The following PDE8B variants were observed in gnomAD, a reference collection of about 807,000 sequenced individuals.
PDE8B encodes the protein phosphodiesterase 8B, also known as high affinity cAMP-specific and IBMX-insensitive 3',5'-cyclic phosphodiesterase 8B.
Under a neutral mutation model 101.3 loss-of-function variants are expected in PDE8B, and 26 were observed. The ratio of observed to expected loss-of-function variants is 0.26; its 90% CI spans 0.19 to 0.36. The LOEUF is 0.36. PDE8B is among the 10% of genes least tolerant of loss of function. The probability of loss-of-function intolerance (pLI) is 1.00; values close to 1 mark genes in which losing one functional copy is unlikely to be tolerated. For synonymous variants in PDE8B, 424 were observed against 429.3 expected (o/e 0.99, Z 0.15); for missense variants, 810 against 1,163.1 (o/e 0.70, Z 4.42).
the PDE8B span, among the ~76,000 whole-genome samples, chr5:77,154,012 T>C: frequency 6.6e-6 from 1 of 152,242 alleles, no homozygotes. Flanking sequence ...ACATTTGATA[T>C]TGATATGGAT....
At chr5:77,339,029 A>G (rs1778697843) in intron 6 of PDE8B, among the ~76,000 whole-genome samples, 1 of 152,212 alleles carries the variant, frequency 6.6e-6, no homozygotes, top group Non-Finnish European at 1.5e-5. Flanking sequence ...GGGCAAAAGC[A>G]GGCCTGGAAA....
chr5:77,414,134 C>T (rs558371457), intron 17 of PDE8B, among the ~76,000 whole-genome samples: 29 of 152,086 alleles, frequency 1.9e-4, no homozygotes, highest in Non-Finnish European at 3.4e-4. Flanking sequence ...GATTAAGGTC[C>T]TAGGTACTTA....
At chr5:77,375,995 C>T (rs979828963) in intron 10 of PDE8B, among the ~76,000 whole-genome samples, 1 of 147,516 alleles carries the variant, frequency 6.8e-6, no homozygotes, top group African/African-American at 2.5e-5. Flanking sequence ...CAGGTTCAAG[C>T]GATTCTCCTG....
chr5:77,107,221 G>A, the PDE8B span, among the ~76,000 whole-genome samples: 1 of 152,142 alleles, frequency 6.6e-6, no homozygotes, highest in East Asian at 1.9e-4. Context: ...TCCCTACAAA[G>A]GACACGAACT....
chr5:77,342,307 C>T (rs535830110), intron 6 of PDE8B, among the ~76,000 whole-genome samples: 25 of 152,206 alleles, frequency 1.6e-4, no homozygotes, highest in Non-Finnish European at 3.1e-4. Context: ...TTTACAAAAA[C>T]CTGTGAAATA....
the PDE8B span, among the ~76,000 whole-genome samples, chr5:77,201,764 G>A: frequency 4.0e-5 from 6 of 151,818 alleles, no homozygotes; most frequent in African/African-American, 1.4e-4. Context: ...CTTTTTTTCT[G>A]TTTTTACAAA....
intron 1 of PDE8B, among the ~76,000 whole-genome samples, chr5:77,240,789 C>A (rs1453867468): frequency 1.3e-5 from 2 of 152,198 alleles, no homozygotes; most frequent in African/African-American, 4.8e-5. Flanking sequence ...CTCTTACCTC[C>A]AAGAAGCTTT....
intron 1 of PDE8B, among the ~76,000 whole-genome samples, chr5:77,254,529 C>T (rs753651764): frequency 4.6e-5 from 7 of 152,260 alleles, no homozygotes; most frequent in South Asian, 2.1e-4. Context: ...TATGTAATGA[C>T]GCACTTAGTT....
intron 9 of PDE8B, among the ~76,000 whole-genome samples, chr5:77,352,089 T>C (rs1223910296): frequency 6.6e-6 from 1 of 152,232 alleles, no homozygotes; most frequent in African/African-American, 2.4e-5. Flanking sequence ...TTTCATGCCA[T>C]TTTGTAATTT....
At chr5:77,116,784 A>G in the PDE8B span, among the ~76,000 whole-genome samples, 9 of 152,182 alleles carry the variant, frequency 5.9e-5, no homozygotes, top group Non-Finnish European at 1.0e-4. Flanking sequence ...CCACATAAAC[A>G]AGGTCACATG....
At chr5:77,148,947 C>T in the PDE8B span, among the ~76,000 whole-genome samples, 2 of 152,130 alleles carry the variant, frequency 1.3e-5, no homozygotes, top group South Asian at 2.1e-4. Flanking sequence ...GAACTCTTTA[C>T]CCAACTCAAA....
intron 1 of PDE8B, among the ~76,000 whole-genome samples, chr5:77,215,698 A>G (rs148782779): frequency 1.4e-4 from 22 of 152,332 alleles, no homozygotes; most frequent in African/African-American, 5.1e-4. Context: ...AGGGCAGGGC[A>G]GATTCTGTGG....
In PDE8B at chr5:77,299,571, T is replaced by G. The variant is rs1433335700; in HGVS notation, c.340-12423T>G. Reference sequence around the variant, plus strand: ...GTTTGCTGAGAATGATGGTTTCCAGTTTCATCCATGTCCCTACAAAGGACA... The same window carrying G: ...GTTTGCTGAGAATGATGGTTTCCAGGTTCATCCATGTCCCTACAAAGGACA... On this transcript the variant is annotated intron_variant, in intron 1 of 21. Coordinates refer to ENST00000264917, the MANE Select transcript of PDE8B (RefSeq NM_003719.5). Among the ~76,000 whole-genome samples the G allele has an allele frequency of 6.6e-5, 10 of 152,048 alleles. No homozygotes were observed. The East Asian group carries it at 7.7e-4, about 12-fold the overall frequency.
intron 1 of PDE8B, among the ~76,000 whole-genome samples, chr5:77,230,648 G>C (rs1379948614): frequency 6.6e-6 from 1 of 152,010 alleles, no homozygotes; most frequent in Non-Finnish European, 1.5e-5. Flanking sequence ...TGTATTTTTT[G>C]TATTTTGGCC....
chr5:77,288,147 A>C (rs1453250723), intron 1 of PDE8B, among the ~76,000 whole-genome samples: 1 of 152,318 alleles, frequency 6.6e-6, no homozygotes, highest in East Asian at 1.9e-4. Context: ...ATTTCGTCCT[A>C]TGTGAAGGCT....
At chr5:77,265,280 A>G (rs1761465568) in intron 1 of PDE8B, among the ~76,000 whole-genome samples, 3 of 152,138 alleles carry the variant, frequency 2.0e-5, no homozygotes, top group African/African-American at 4.8e-5. Flanking sequence ...GGACTTTAAT[A>G]CTCATAAAAT....
At chr5:77,341,553 A>C (rs1479176790) in intron 6 of PDE8B, among the ~76,000 whole-genome samples, 1 of 152,238 alleles carries the variant, frequency 6.6e-6, no homozygotes, top group Non-Finnish European at 1.5e-5. Context: ...GGAATTTGTC[A>C]TTTGATAAAA....
chr5:77,241,769 G>A (rs148604983), intron 1 of PDE8B, among the ~76,000 whole-genome samples: 1,855 of 152,298 alleles, frequency 0.012, 18 homozygotes, highest in Middle Eastern at 0.021. Context: ...TATTAAAGCT[G>A]CATTGATTTG....
intron 1 of PDE8B, among the ~76,000 whole-genome samples, chr5:77,259,203 T>C (rs1759955762): frequency 6.6e-6 from 1 of 151,666 alleles, no homozygotes; most frequent in South Asian, 2.1e-4. Flanking sequence ...CTCTTCCTGC[T>C]AAAATCCCCT....
Sources: allele counts gnomAD v4.1 joint callset (sites outside exome capture counted in the v4.1 genomes callset), GRCh38; gene constraint gnomAD v4.1.1; transcripts MANE v1.5; gene names NCBI Gene and HGNC (gene_info 2026-07-23, HGNC 2026-07-21).